RNF19A: variants seen among roughly 807,000 people sequenced by gnomAD.
RNF19A encodes ring finger protein 19A, RBR E3 ubiquitin protein ligase.
A neutral mutation model predicts 75.7 loss-of-function variants in RNF19A; 32 were observed. The observed-to-expected ratio is 0.42, with a 90% CI of 0.32 to 0.57. The LOEUF (loss-of-function observed/expected upper bound fraction) is 0.57, where lower values mean the gene tolerates loss of function less well. Among genes scored for constraint, RNF19A ranks in the 20% least tolerant of loss-of-function variants. The probability of loss-of-function intolerance (pLI) is 0.10; values close to 1 mark genes in which losing one functional copy is unlikely to be tolerated. For missense variants in RNF19A, 782 were observed against 1,036.3 expected (o/e 0.75, Z 3.37); for synonymous variants, 335 against 345.2 (o/e 0.97, Z 0.33).
chr8:100,319,474 A>ATTC (rs1449250563), intron 1 of RNF19A, among the ~76,000 whole-genome samples: 2 of 150,448 alleles, frequency 1.3e-5, no homozygotes, highest in African/African-American at 2.5e-5. Flanking sequence ...CTAGTGCACC[A>ATTC]TTCCTTTCTT....
At position 100,308,908 on chromosome 8, in the gene RNF19A, A is replaced by G. The variant is rs73282764; in HGVS notation, c.-94+959T>C. ...GGACAGTAAACATTAAGCAGAGTAA[A>G]GCATCGTTCGTGTATTTATATCTCC... On this transcript the variant is annotated intron_variant, in intron 1 of 9. Transcript: ENST00000341084. Among the ~76,000 whole-genome samples, 794 of 152,362 alleles carry G rather than the reference A, an allele frequency of 5.2e-3. 11 individuals are homozygous for G. The highest frequency in any genetic ancestry group is 0.019 in the African/African-American group (777 of 41,592).
At chr8:100,265,451 A>G (rs987283134) in intron 5 of RNF19A, among the ~76,000 whole-genome samples, 2 of 151,074 alleles carry the variant, frequency 1.3e-5, no homozygotes, top group Non-Finnish European at 2.9e-5. Context: ...ACAGGTGTTA[A>G]TAAGTAGAAT....
At chr8:100,295,503 C>G (rs1821513171) in intron 1 of RNF19A, among the ~76,000 whole-genome samples, 1 of 152,094 alleles carries the variant, frequency 6.6e-6, no homozygotes, top group Non-Finnish European at 1.5e-5. Context: ...AAATCCTCAA[C>G]CCTAGACTCA....
At chr8:100,321,716 T>C (rs753055354) in intron 1 of RNF19A, among the ~76,000 whole-genome samples, 4 of 152,248 alleles carry the variant, frequency 2.6e-5, no homozygotes, top group Non-Finnish European at 4.4e-5. Context: ...TAATAAGACT[T>C]GAAAGTTGAA....
intron 3 of RNF19A, among the ~76,000 whole-genome samples, chr8:100,274,195 T>A (rs1394641926): frequency 6.6e-6 from 1 of 152,226 alleles, no homozygotes; most frequent in Non-Finnish European, 1.5e-5. Context: ...TCATTCTCTC[T>A]TGCTCTGTAT....
chr8:100,263,523 C>T (rs1436491096), intron 7 of RNF19A, among the ~76,000 whole-genome samples: 4 of 152,134 alleles, frequency 2.6e-5, no homozygotes, highest in Non-Finnish European at 4.4e-5. Flanking sequence ...AATTATTTCC[C>T]TATGACAAAT....
Position 100,262,201 on chromosome 8 carries a change from AGG to A in RNF19A, c.1469-448_1469-447del, listed in dbSNP as rs1819750584. On this transcript the variant is annotated intron_variant, in intron 7 of 9. Transcript: ENST00000341084. The stretch of plus-strand genomic sequence containing the variant: ...AGTACCTCTCACACATTTTGTATTA[AGG>A]AGTCACTTATTTGCACCAATATTTG... Among the ~76,000 whole-genome samples the A allele has an allele frequency of 2.6e-5, 4 of 152,310 alleles. No homozygotes were observed. In the South Asian group the frequency reaches 6.2e-4, roughly 24 times the overall value.
At chr8:100,304,981 G>A (rs550206590) in intron 1 of RNF19A, among the ~76,000 whole-genome samples, 2 of 152,078 alleles carry the variant, frequency 1.3e-5, no homozygotes, top group Non-Finnish European at 2.9e-5. Context: ...TGTTGCTCAG[G>A]CTGGAGTACA....
intron 5 of RNF19A, among the ~76,000 whole-genome samples, chr8:100,266,670 C>G (rs1171300033): frequency 2.6e-5 from 4 of 152,096 alleles, no homozygotes; most frequent in Non-Finnish European, 1.5e-5. Context: ...ACCACCACTC[C>G]CAGCTGATTA....
rs763687952 is a variant in RNF19A at position 100,290,715 on chromosome 8, G to C, written c.-93-2448C>G. On this transcript the variant is annotated intron_variant, in intron 1 of 9. Transcript: ENST00000341084. ...TACATTCTGAGAAATGTGTCATTAGGTGATTTTGTCGTGTGATCACAGAGC... is the reference window on the plus strand; with the variant it reads ...TACATTCTGAGAAATGTGTCATTAGCTGATTTTGTCGTGTGATCACAGAGC... Among the ~76,000 whole-genome samples the C allele has an allele frequency of 9.9e-5, 15 of 152,248 alleles. No homozygotes were observed. In the South Asian group the frequency reaches 2.1e-3, roughly 21 times the overall value.
intron 3 of RNF19A, 56 bp from the exon 4 acceptor site, chr8:100,270,069 T>C: frequency 7.2e-7 from 1 of 1,390,294 alleles, no homozygotes; most frequent in Non-Finnish European, 9.5e-7. Context: ...AAAAATAACT[T>C]CTAGCAGTTT....
rs113858289 is a variant in RNF19A at position 100,292,660 on chromosome 8, A to G, written c.-93-4393T>C. 2.0e-4 allele frequency among the ~76,000 whole-genome samples: 31 copies of G among 152,234 alleles called. 1 individual carries two copies. The highest frequency in any genetic ancestry group is 7.0e-4 in the African/African-American group (29 of 41,536). On this transcript the variant is annotated intron_variant, in intron 1 of 9. Coordinates refer to ENST00000341084, the MANE Select transcript of RNF19A (RefSeq NM_183419.4). ...CTACTGGTAATTTGATAGTTTATGA[A>G]TAAGTAGAGATCAAAATTTGTTTTC...
At chr8:100,298,213 C>T (rs959648381) in intron 1 of RNF19A, among the ~76,000 whole-genome samples, 1 of 123,154 alleles carries the variant, frequency 8.1e-6, no homozygotes, top group Non-Finnish European at 1.6e-5. Context: ...AAAAAAAAAA[C>T]ACTTATTACA....
chr8:100,304,518 T>C (rs993072189), intron 1 of RNF19A, among the ~76,000 whole-genome samples: 2 of 152,200 alleles, frequency 1.3e-5, no homozygotes, highest in Non-Finnish European at 2.9e-5. Context: ...TCACATTACT[T>C]ACCAGTTCCC....
intron 2 of RNF19A, among the ~76,000 whole-genome samples, chr8:100,285,874 T>C (rs1563850689): frequency 6.6e-6 from 1 of 151,890 alleles, no homozygotes; most frequent in Non-Finnish European, 1.5e-5. Context: ...CTATGAAGGA[T>C]AGACAGAAAA....
intron 5 of RNF19A, among the ~76,000 whole-genome samples, chr8:100,266,639 T>C (rs571319296): frequency 6.6e-6 from 1 of 152,302 alleles, no homozygotes; most frequent in East Asian, 1.9e-4. Flanking sequence ...GCTTCCTTAA[T>C]AGCGGGGGCT....
intron 1 of RNF19A, among the ~76,000 whole-genome samples, chr8:100,291,209 T>C (rs780078832): frequency 5.5e-4 from 83 of 152,168 alleles, no homozygotes; most frequent in Non-Finnish European, 1.9e-4. Context: ...CAAATAGATG[T>C]TCTAAGAATA....
chr8:100,306,221 C>T (rs184968673), intron 1 of RNF19A, among the ~76,000 whole-genome samples: 86 of 152,272 alleles, frequency 5.6e-4, no homozygotes, highest in East Asian at 2.1e-3. Context: ...GACTCAGTTT[C>T]GAAGTTTCTT....
chr8:100,294,466 C>G (rs1821453779), intron 1 of RNF19A, among the ~76,000 whole-genome samples: 1 of 152,186 alleles, frequency 6.6e-6, no homozygotes, highest in Admixed American at 6.5e-5. Flanking sequence ...ATCTCCCAAG[C>G]ACAGTTCTAG....
Sources: gnomAD v4.1 joint callset for allele counts (sites outside exome capture counted in the v4.1 genomes callset) on GRCh38, gnomAD v4.1.1 for gene constraint, MANE v1.5 for transcripts, NCBI Gene and HGNC (gene_info 2026-07-23, HGNC 2026-07-21) for gene names.